The following EPHA6 variants were observed in gnomAD, a reference collection of about 807,000 sequenced individuals.
The protein encoded by EPHA6 is EPH receptor A6, also known as ephrin type-A receptor 6.
A neutral mutation model predicts 112.0 loss-of-function variants in EPHA6; 50 were observed. The ratio of observed to expected loss-of-function variants is 0.45; its 90% CI spans 0.36 to 0.56. The LOEUF is 0.56. EPHA6 is among the 20% of genes least tolerant of loss of function. EPHA6 has a pLI of 0.00. For synonymous variants in EPHA6, 529 were observed against 490.7 expected, an observed-to-expected ratio of 1.08 and a Z score of -1.03; for missense variants, 1,280 against 1,417.4, an observed-to-expected ratio of 0.90 and a Z score of 1.56.
At chr3:97,093,879 C>T (rs1345450368) in intron 3 of EPHA6, among the ~76,000 whole-genome samples, 1 of 152,108 alleles carries the variant, frequency 6.6e-6, no homozygotes, top group Non-Finnish European at 1.5e-5. Context: ...AGACCAAATA[C>T]TTCCTTTTTG....
At chr3:97,377,862 C>T (rs373342283) in intron 5 of EPHA6, among the ~76,000 whole-genome samples, 6 of 151,730 alleles carry the variant, frequency 4.0e-5, no homozygotes, top group East Asian at 3.9e-4. Context: ...CTGTTAAAAG[C>T]ACTCCACTTT....
chr3:97,552,759 C>G (rs1056057852), intron 11 of EPHA6, among the ~76,000 whole-genome samples: 2 of 152,134 alleles, frequency 1.3e-5, no homozygotes, highest in Non-Finnish European at 2.9e-5. Flanking sequence ...TAAAGCACCT[C>G]TTCAATGACA....
chr3:96,871,480 C>A (rs559343084), intron 2 of EPHA6, among the ~76,000 whole-genome samples: 1 of 151,978 alleles, frequency 6.6e-6, no homozygotes, highest in East Asian at 1.9e-4. Flanking sequence ...TTTGCTTTTT[C>A]CAGAATCATG....
At chr3:97,525,661 G>C (rs546846188) in intron 10 of EPHA6, among the ~76,000 whole-genome samples, 94 of 152,224 alleles carry the variant, frequency 6.2e-4, no homozygotes, top group Non-Finnish European at 1.2e-3. Flanking sequence ...TCTCCTAATA[G>C]GTCTGCAGGT....
chr3:97,432,058 C>T (rs754605083), intron 6 of EPHA6, among the ~76,000 whole-genome samples: 27 of 152,092 alleles, frequency 1.8e-4, no homozygotes, highest in Non-Finnish European at 3.4e-4. Context: ...AAGTTACTGG[C>T]TATATAAAGA....
At chr3:97,193,320 A>G (rs1559788954) in intron 3 of EPHA6, among the ~76,000 whole-genome samples, 1 of 152,110 alleles carries the variant, frequency 6.6e-6, no homozygotes, top group South Asian at 2.1e-4. Flanking sequence ...TTTTTGCATC[A>G]ACATTTTACA....
At chr3:97,629,445 T>A (rs1452830061) in intron 13 of EPHA6, among the ~76,000 whole-genome samples, 1 of 151,964 alleles carries the variant, frequency 6.6e-6, no homozygotes, top group Admixed American at 6.6e-5. Context: ...ATGAGTGAAC[T>A]TTTTTGTAAA....
intron 5 of EPHA6, among the ~76,000 whole-genome samples, chr3:97,371,105 G>T (rs1390980339): frequency 6.7e-6 from 1 of 149,970 alleles, no homozygotes; most frequent in Non-Finnish European, 1.5e-5. Context: ...TTTTTTGAGG[G>T]ATTCATTGTT....
chr3:97,107,673 A>G (rs2047608111), intron 3 of EPHA6, among the ~76,000 whole-genome samples: 1 of 152,100 alleles, frequency 6.6e-6, no homozygotes, highest in Non-Finnish European at 1.5e-5. Flanking sequence ...TGTAATGTAC[A>G]TCTCCAATCT....
intron 3 of EPHA6, among the ~76,000 whole-genome samples, chr3:97,200,317 A>G (rs945235699): frequency 6.6e-6 from 1 of 152,032 alleles, no homozygotes; most frequent in African/African-American, 2.4e-5. Context: ...CCGGGAATCA[A>G]ACTCAAGTCT....
chr3:97,281,577 C>G (rs2108663515), intron 5 of EPHA6, among the ~76,000 whole-genome samples: 1 of 152,010 alleles, frequency 6.6e-6, no homozygotes, highest in East Asian at 1.9e-4. Flanking sequence ...ATAGAATACT[C>G]AAAAACAAGC....
At chr3:96,865,706 A>G (rs182459570) in intron 1 of EPHA6, among the ~76,000 whole-genome samples, 3,492 of 151,390 alleles carry the variant, frequency 0.023, 66 homozygotes, top group Middle Eastern at 0.065. Flanking sequence ...AAAAAAAAAA[A>G]AAAAAAAAAG....
chr3:97,528,960 T>TAAC (rs1035663012), intron 10 of EPHA6, among the ~76,000 whole-genome samples: 3 of 152,156 alleles, frequency 2.0e-5, no homozygotes, highest in African/African-American at 7.2e-5. Context: ...CTAGACCATC[T>TAAC]AACATATATT....
chr3:97,323,624 T>C (rs1406131843), intron 5 of EPHA6, among the ~76,000 whole-genome samples: 1 of 134,010 alleles, frequency 7.5e-6, no homozygotes, highest in Non-Finnish European at 1.5e-5. Flanking sequence ...AAGACAAAGC[T>C]CTAGAAATCT....
chr3:97,256,406 G>A (rs2079315283), intron 5 of EPHA6, among the ~76,000 whole-genome samples: 2 of 151,802 alleles, frequency 1.3e-5, no homozygotes. Flanking sequence ...GGCCAATAGG[G>A]ACCTGATTTT....
intron 3 of EPHA6, among the ~76,000 whole-genome samples, chr3:97,014,533 C>T (rs577685797): frequency 6.6e-6 from 1 of 152,248 alleles, no homozygotes. Flanking sequence ...TTGCTTAATA[C>T]ATCTCTTCTT....
intron 3 of EPHA6, among the ~76,000 whole-genome samples, chr3:97,178,824 G>A (rs180858557): frequency 2.6e-5 from 4 of 152,170 alleles, no homozygotes; most frequent in Middle Eastern, 3.4e-3. Context: ...CCTTGAGGTA[G>A]TCTTTGGGTT....
intron 6 of EPHA6, among the ~76,000 whole-genome samples, chr3:97,424,991 C>T (rs2107204818): frequency 6.6e-6 from 1 of 152,272 alleles, no homozygotes; most frequent in Middle Eastern, 3.4e-3. Flanking sequence ...TCTCCTTTGA[C>T]TCCATGTCTC....
At chr3:97,081,026 G>A (rs555992147) in intron 3 of EPHA6, among the ~76,000 whole-genome samples, 2 of 151,934 alleles carry the variant, frequency 1.3e-5, no homozygotes, top group South Asian at 2.1e-4. Context: ...TATGAAATGT[G>A]GAGGTGACTT....
Sources: allele counts gnomAD v4.1 joint callset (sites outside exome capture counted in the v4.1 genomes callset), GRCh38; gene constraint gnomAD v4.1.1; transcripts MANE v1.5; gene names NCBI Gene and HGNC (gene_info 2026-07-23, HGNC 2026-07-21).